The following CYRIA variants were observed in gnomAD, a reference collection of about 807,000 sequenced individuals.
CYRIA encodes CYFIP-related Rac1 interactor A.
Under a neutral mutation model 43.9 loss-of-function variants are expected in CYRIA, and 15 were observed. The ratio of observed to expected loss-of-function variants is 0.34; its 90% CI spans 0.23 to 0.53. The LOEUF is 0.53. Among genes scored for constraint, CYRIA ranks in the 20% least tolerant of loss-of-function variants. The pLI is 0.94. For missense variants in CYRIA, 236 were observed against 394.2 expected, an observed-to-expected ratio of 0.60 and a Z score of 3.40; for synonymous variants, 117 against 136.0, an observed-to-expected ratio of 0.86 and a Z score of 0.97.
chr2:16,641,373 TTACTCCTA>T (rs1669671747), intron 1 of CYRIA, among the ~76,000 whole-genome samples: 1 of 152,182 alleles, frequency 6.6e-6, no homozygotes, highest in South Asian at 2.1e-4. Flanking sequence ...CTGCATGCCC[TTACTCCTA>T]TATGCCCCTT....
At chr2:16,623,380 G>A (rs1398462513) in intron 2 of CYRIA, among the ~76,000 whole-genome samples, 4 of 152,366 alleles carry the variant, frequency 2.6e-5, no homozygotes, top group African/African-American at 9.6e-5. Flanking sequence ...AGCGGGTGAT[G>A]AGAATGGTTA....
At chr2:16,651,848 C>A (rs73215505) in intron 1 of CYRIA, among the ~76,000 whole-genome samples, 1,825 of 152,104 alleles carry the variant, frequency 0.012, 36 homozygotes, top group African/African-American at 0.041. Context: ...AAATTCCAGT[C>A]ATCTTATGTC....
Position 16,562,020 on chromosome 2 carries a change from T to C in CYRIA, c.420A>G (p.Arg140=). The C allele has an allele frequency of 6.2e-7, 1 of 1,613,058 alleles. No individual in the cohort carries two copies. Among genetic ancestry groups the C allele is most frequent in the Non-Finnish European group, 8.5e-7 (1 of 1,179,452 alleles). Residue 140 remains arginine, a synonymous_variant, in exon 6 of 12, where the codon CGA becomes CGG. Transcript: ENST00000381323. The stretch of plus-strand genomic sequence containing the variant: ...TTGGCCTAACCTTCAGCTCATCGAA[T>C]CGAAGGGTAAAATGTAAAATTTCGG... ...EFAEILHFTL[R]FDELKMRNPA...
intron 3 of CYRIA, among the ~76,000 whole-genome samples, chr2:16,567,955 G>C (rs567366589): frequency 2.0e-5 from 3 of 152,198 alleles, no homozygotes; most frequent in Admixed American, 2.0e-4. Flanking sequence ...TTGGACAAAG[G>C]CTTGGCAGCT....
At chr2:16,565,371 A>C (rs995598473) in intron 4 of CYRIA, among the ~76,000 whole-genome samples, 2 of 151,960 alleles carry the variant, frequency 1.3e-5, no homozygotes, top group Non-Finnish European at 2.9e-5. Flanking sequence ...TTTTTAGTTG[A>C]GTCTGGGTTT....
chr2:16,562,222 G>A, intron 5 of CYRIA, 81 bp from the exon 6 acceptor site: 1 of 1,441,796 alleles, frequency 6.9e-7, no homozygotes, highest in Admixed American at 2.1e-5. Flanking sequence ...AGCCTCAGTT[G>A]ACAATCTCGG....
intron 11 of CYRIA, among the ~76,000 whole-genome samples, 186 bp downstream of exon 11, chr2:16,554,883 A>T (rs906301009): frequency 1.3e-5 from 2 of 151,970 alleles, no homozygotes; most frequent in Non-Finnish European, 2.9e-5. Context: ...CTTAAATCTC[A>T]TTTTTTTTCC....
At chr2:16,559,939 CAG>C (rs1481875062) in intron 9 of CYRIA, among the ~76,000 whole-genome samples, 2 of 152,132 alleles carry the variant, frequency 1.3e-5, no homozygotes, top group Non-Finnish European at 2.9e-5. Flanking sequence ...GGCTTCATTA[CAG>C]AGAAAAAGAA....
chr2:16,555,042 G>C (rs1666457065), intron 11 of CYRIA, 27 bp downstream of exon 11: 7 of 1,603,588 alleles, frequency 4.4e-6, no homozygotes, highest in Non-Finnish European at 6.0e-6. Context: ...GCTGTTCCCT[G>C]TGAGCTGACA....
chr2:16,617,049 G>T (rs774096128), intron 2 of CYRIA, among the ~76,000 whole-genome samples: 3 of 152,214 alleles, frequency 2.0e-5, no homozygotes, highest in Non-Finnish European at 4.4e-5. Flanking sequence ...AGCTACATGT[G>T]CCTCTGCAAA....
chr2:16,573,448 T>C (rs980049468), intron 3 of CYRIA, among the ~76,000 whole-genome samples: 1 of 152,300 alleles, frequency 6.6e-6, no homozygotes, highest in African/African-American at 2.4e-5. Context: ...AGCCAAGGTA[T>C]GAGAGAAAGA....
At chr2:16,580,924 A>T (rs567140745) in intron 3 of CYRIA, among the ~76,000 whole-genome samples, 175 of 152,242 alleles carry the variant, frequency 1.1e-3, no homozygotes, top group African/African-American at 4.1e-3. Context: ...TAAACCTAAT[A>T]CCTTTCTCAC....
At chr2:16,658,145 C>T (rs2103556310) in intron 1 of CYRIA, among the ~76,000 whole-genome samples, 1 of 152,220 alleles carries the variant, frequency 6.6e-6, no homozygotes. Context: ...AATCATTATC[C>T]TTGTTACAAT....
chr2:16,637,375 A>G (rs754800189), intron 1 of CYRIA, among the ~76,000 whole-genome samples: 3 of 152,156 alleles, frequency 2.0e-5, no homozygotes, highest in Non-Finnish European at 2.9e-5. Flanking sequence ...AGCTTTGTGA[A>G]TAAGATTAGT....
intron 1 of CYRIA, among the ~76,000 whole-genome samples, chr2:16,634,394 C>T (rs1427617102): frequency 6.6e-6 from 1 of 152,214 alleles, no homozygotes; most frequent in Non-Finnish European, 1.5e-5. Flanking sequence ...ACAGTAGACA[C>T]ATCTGATGGT....
At chr2:16,590,104 A>C (rs1048340547) in intron 2 of CYRIA, among the ~76,000 whole-genome samples, 12 of 151,986 alleles carry the variant, frequency 7.9e-5, no homozygotes, top group Non-Finnish European at 1.2e-4. Context: ...ACAGGAAAGC[A>C]AACACCATAT....
rs1666649891 is a variant in CYRIA, at chr2:16,559,475, C to G, written c.822G>C (p.Lys274Asn). The G allele has an allele frequency of 6.2e-7, 1 of 1,612,722 alleles. No homozygotes were observed. The highest frequency in any genetic ancestry group is 1.3e-5 in the African/African-American group (1 of 74,846). Residue 274 changes from lysine (K) to asparagine (N), a missense_variant, in exon 10 of 12, where the codon AAG becomes AAC. Coordinates refer to ENST00000381323, the MANE Select transcript of CYRIA (RefSeq NM_030797.4). Reference protein sequence around the residue: ...DHVHPVGAFCKTSKIDMKGCI... With the variant: ...DHVHPVGAFCNTSKIDMKGCI... ...CTATTCTTACATCGATCTTGGATGT[C>G]TTGCAGAAAGCTCCCACAGGGTGGA...
chr2:16,569,623 A>G (rs1667059569), intron 3 of CYRIA, among the ~76,000 whole-genome samples: 1 of 152,196 alleles, frequency 6.6e-6, no homozygotes, highest in Admixed American at 6.5e-5. Flanking sequence ...GCTTTCAAGG[A>G]AGAGAGTGAC....
At chr2:16,590,089 C>A (rs1244645925) in intron 2 of CYRIA, among the ~76,000 whole-genome samples, 1 of 152,044 alleles carries the variant, frequency 6.6e-6, no homozygotes, top group Non-Finnish European at 1.5e-5. Flanking sequence ...CACACACACA[C>A]ACACACAGGA....
Sources: gnomAD v4.1 joint callset for allele counts (sites outside exome capture counted in the v4.1 genomes callset) on GRCh38, gnomAD v4.1.1 for gene constraint, MANE v1.5 for transcripts, NCBI Gene and HGNC (gene_info 2026-07-23, HGNC 2026-07-21) for gene names.